Variants in BMPR1B observed in about 807,000 individuals in gnomAD.
The protein encoded by BMPR1B is bone morphogenetic protein receptor type-1B.
A neutral mutation model predicts 59.1 loss-of-function variants in BMPR1B; 12 were observed. The ratio of observed to expected loss-of-function variants is 0.20; its 90% CI spans 0.13 to 0.33. BMPR1B has a LOEUF of 0.33. Ranked by LOEUF, BMPR1B falls within the 10% of genes least tolerant of loss-of-function variation. The pLI is 1.00. For missense variants in BMPR1B, 550 were observed against 610.9 expected (o/e 0.90, Z 1.05); for synonymous variants, 237 against 207.3 (o/e 1.14, Z -1.23).
intron 2 of BMPR1B, among the ~76,000 whole-genome samples, chr4:94,967,296 G>C (rs1482969487): frequency 1.3e-5 from 2 of 152,066 alleles, no homozygotes; most frequent in Non-Finnish European, 2.9e-5. Context: ...AATTGAGAAG[G>C]CTGCATACAA....
chr4:95,046,282 T>C (rs1560615245), intron 3 of BMPR1B, among the ~76,000 whole-genome samples: 1 of 152,188 alleles, frequency 6.6e-6, no homozygotes, highest in Non-Finnish European at 1.5e-5. Context: ...ACACTGTTTG[T>C]GACAGGAACA....
chr4:95,019,651 C>G (rs1452694019), intron 3 of BMPR1B, among the ~76,000 whole-genome samples: 1 of 152,068 alleles, frequency 6.6e-6, no homozygotes, highest in Non-Finnish European at 1.5e-5. Context: ...AGGAAGAAGT[C>G]GAAAAACACC....
At chr4:94,948,308 T>A (rs1300664277) in intron 2 of BMPR1B, among the ~76,000 whole-genome samples, 1 of 152,136 alleles carries the variant, frequency 6.6e-6, no homozygotes, top group East Asian at 1.9e-4. Flanking sequence ...AGATCAAACA[T>A]GTTCAGAAGC....
chr4:94,856,890 A>G (rs144894274), intron 1 of BMPR1B, among the ~76,000 whole-genome samples: 1 of 152,360 alleles, frequency 6.6e-6, no homozygotes, highest in East Asian at 1.9e-4. Context: ...TTAGCATAAC[A>G]GAAGGTAGAA....
chr4:94,859,635 T>C (rs907935143), intron 1 of BMPR1B, among the ~76,000 whole-genome samples: 1 of 152,110 alleles, frequency 6.6e-6, no homozygotes, highest in Non-Finnish European at 1.5e-5. Flanking sequence ...TTGATCAGTG[T>C]AGGGTGGCAG....
intron 3 of BMPR1B, among the ~76,000 whole-genome samples, chr4:95,047,489 T>A (rs1361978864): frequency 6.6e-6 from 1 of 152,266 alleles, no homozygotes; most frequent in East Asian, 1.9e-4. Context: ...TGAAGTGCCA[T>A]TCTCATCATA....
intron 6 of BMPR1B, 91 bp from the exon 7 acceptor site, chr4:95,123,719 T>C: frequency 1.0e-6 from 1 of 1,003,372 alleles, no homozygotes; most frequent in Non-Finnish European, 1.5e-6. Flanking sequence ...TTGTGCGTGA[T>C]ACTTAGCAAG....
intron 3 of BMPR1B, among the ~76,000 whole-genome samples, chr4:95,030,758 C>T (rs1443700320): frequency 6.6e-6 from 1 of 152,162 alleles, no homozygotes; most frequent in African/African-American, 2.4e-5. Flanking sequence ...AATGAGTGAA[C>T]TCCCATTCAC....
At chr4:94,803,456 A>C (rs1723484054) in intron 1 of BMPR1B, among the ~76,000 whole-genome samples, 1 of 152,170 alleles carries the variant, frequency 6.6e-6, no homozygotes, top group Non-Finnish European at 1.5e-5. Context: ...TCCGGTGAGT[A>C]GGGTGGGACT....
chr4:94,863,225 C>G (rs910263877), intron 1 of BMPR1B, among the ~76,000 whole-genome samples: 1 of 152,162 alleles, frequency 6.6e-6, no homozygotes, highest in Non-Finnish European at 1.5e-5. Context: ...GGTCAAAAAA[C>G]TACCTATGCT....
intron 1 of BMPR1B, among the ~76,000 whole-genome samples, chr4:94,808,602 A>C (rs1400829756): frequency 1.3e-5 from 2 of 152,218 alleles, no homozygotes; most frequent in Non-Finnish European, 2.9e-5. Flanking sequence ...GGTTCAAAGA[A>C]GTATCTACAT....
At chr4:95,050,970 A>G (rs1233914999) in intron 3 of BMPR1B, among the ~76,000 whole-genome samples, 3 of 152,222 alleles carry the variant, frequency 2.0e-5, no homozygotes, top group Admixed American at 6.5e-5. Flanking sequence ...TAAAAAGTGG[A>G]AAAACTTGCA....
intron 2 of BMPR1B, among the ~76,000 whole-genome samples, chr4:94,942,783 T>C (rs1258873017): frequency 6.6e-6 from 1 of 152,112 alleles, no homozygotes; most frequent in Non-Finnish European, 1.5e-5. Context: ...TGCCTTAGAG[T>C]TGTAGGCATA....
chr4:94,858,284 G>T (rs548709772), intron 1 of BMPR1B, among the ~76,000 whole-genome samples: 3 of 152,136 alleles, frequency 2.0e-5, no homozygotes, highest in Non-Finnish European at 4.4e-5. Context: ...TCACTGAATA[G>T]AATTGTTTTA....
rs149423818 is a variant in BMPR1B, at chr4:95,033,077, G to A, written c.-18+36943G>A. On this transcript the variant is annotated intron_variant, in intron 3 of 12. Coordinates refer to ENST00000515059, the MANE Select transcript of BMPR1B (RefSeq NM_001203.3). ...ATTTACCTAGTTATTAGTGACTTTC[G>A]TGAGCATATTGGCAGTTCTTATATC... 2.9e-3 allele frequency among the ~76,000 whole-genome samples: 444 copies of A among 152,178 alleles called. 1 individual carries two copies. The highest frequency in any genetic ancestry group is 4.6e-3 in the Non-Finnish European group (310 of 67,980).
At chr4:94,829,842 T>G (rs1268379624) in intron 1 of BMPR1B, among the ~76,000 whole-genome samples, 2 of 152,154 alleles carry the variant, frequency 1.3e-5, no homozygotes, top group African/African-American at 4.8e-5. Context: ...TTACAGTGAT[T>G]GGCTTGAAAA....
intron 10 of BMPR1B, among the ~76,000 whole-genome samples, chr4:95,133,636 A>T (rs1423841614): frequency 6.6e-6 from 1 of 152,088 alleles, no homozygotes; most frequent in African/African-American, 2.4e-5. Flanking sequence ...CAGTGGCACC[A>T]TCACAACTCA....
At chr4:94,961,350 T>C (rs1730346305) in intron 2 of BMPR1B, among the ~76,000 whole-genome samples, 3 of 152,192 alleles carry the variant, frequency 2.0e-5, no homozygotes, top group Admixed American at 2.0e-4. Context: ...AGTAGCTTTA[T>C]CAGAGACCAC....
chr4:95,074,347 C>T (rs1055490053), intron 3 of BMPR1B, among the ~76,000 whole-genome samples: 3 of 152,030 alleles, frequency 2.0e-5, no homozygotes, highest in African/African-American at 7.2e-5. Flanking sequence ...TAGAATAGTG[C>T]CTGGAACGCT....
Sources: allele counts gnomAD v4.1 joint callset (sites outside exome capture counted in the v4.1 genomes callset), GRCh38; gene constraint gnomAD v4.1.1; transcripts MANE v1.5; gene names NCBI Gene and HGNC (gene_info 2026-07-23, HGNC 2026-07-21).